Variants in NRXN3 observed in about 807,000 individuals in gnomAD.
NRXN3 encodes neurexin 3.
NRXN3 carries 32 observed loss-of-function variants against 137.6 expected under a neutral mutation model. The ratio of observed to expected loss-of-function variants is 0.23; its 90% CI spans 0.18 to 0.31. NRXN3 has a LOEUF of 0.31. NRXN3 is among the 10% of genes least tolerant of loss of function. The probability of loss-of-function intolerance (pLI) is 1.00; values close to 1 mark genes in which losing one functional copy is unlikely to be tolerated. For synonymous variants in NRXN3, 798 were observed against 784.5 expected (o/e 1.02, Z -0.29); for missense variants, 1,574 against 2,062.5 (o/e 0.76, Z 4.59).
chr14:78,596,574 C>T (rs184672043), intron 4 of NRXN3, among the ~76,000 whole-genome samples: 3,451 of 152,290 alleles, frequency 0.023, 130 homozygotes, highest in East Asian at 0.16. Flanking sequence ...ATGAAATCAT[C>T]ATTCTGCCCC....
intron 4 of NRXN3, among the ~76,000 whole-genome samples, chr14:78,520,135 T>A (rs2096266022): frequency 2.6e-5 from 4 of 152,292 alleles, no homozygotes; most frequent in South Asian, 4.1e-4. Context: ...TCATTCTGCA[T>A]GCAGTAATTA....
At chr14:78,420,476 A>G (rs564768534) in intron 4 of NRXN3, among the ~76,000 whole-genome samples, 54 of 152,324 alleles carry the variant, frequency 3.5e-4, no homozygotes, top group Middle Eastern at 3.4e-3. Flanking sequence ...CTGGGTTACC[A>G]TGAAACTAAT....
In NRXN3 at chr14:79,235,031, AT is replaced by A. The variant is rs1030304750; in HGVS notation, c.3263-232183del. 3.4e-5 allele frequency among the ~76,000 whole-genome samples: 5 copies of A among 146,484 alleles called. 1 individual carries two copies. The highest frequency in any genetic ancestry group is 4.1e-4 in the South Asian group (2 of 4,826). ...TTTAAATAATTTTTAAAACATTGATATTTTTTTGAAAATACATTAAGTATGT... is the reference window on the plus strand; with the variant it reads ...TTTAAATAATTTTTAAAACATTGATATTTTTTGAAAATACATTAAGTATGT... On this transcript the variant is annotated intron_variant, in intron 15 of 20. Transcript: ENST00000335750.
chr14:79,042,646 T>A (rs1414277541), intron 15 of NRXN3, among the ~76,000 whole-genome samples: 1 of 152,228 alleles, frequency 6.6e-6, no homozygotes, highest in African/African-American at 2.4e-5. Flanking sequence ...TTTTGAAATA[T>A]AAGATTGTTT....
At chr14:78,252,529 C>T (rs542136760) in intron 2 of NRXN3, among the ~76,000 whole-genome samples, 24 of 152,238 alleles carry the variant, frequency 1.6e-4, no homozygotes, top group East Asian at 5.8e-4. Flanking sequence ...TTAAGTTTCT[C>T]GATGAGATGC....
chr14:79,046,594 G>A (rs1303253598), intron 15 of NRXN3, among the ~76,000 whole-genome samples: 2 of 152,122 alleles, frequency 1.3e-5, no homozygotes, highest in African/African-American at 4.8e-5. Context: ...GGGGACATAG[G>A]ATCTTGTAGT....
At chr14:78,402,504 G>A (rs3759727) in intron 4 of NRXN3, among the ~76,000 whole-genome samples, 140,939 of 152,244 alleles carry the variant, frequency 0.93, 65,411 homozygotes, top group Admixed American at 0.96. Context: ...ACTTTGGAGC[G>A]TTTGGTGATG....
chr14:79,622,629 C>T (rs2098236685), intron 16 of NRXN3, among the ~76,000 whole-genome samples: 1 of 152,086 alleles, frequency 6.6e-6, no homozygotes, highest in South Asian at 2.1e-4. Flanking sequence ...CAGAGTCTCA[C>T]TCTGTCACCC....
intron 4 of NRXN3, among the ~76,000 whole-genome samples, chr14:78,470,249 G>A (rs1485062755): frequency 6.6e-6 from 1 of 152,168 alleles, no homozygotes; most frequent in Non-Finnish European, 1.5e-5. Flanking sequence ...ATCCCTTTGG[G>A]GATGGGAGAA....
chr14:79,031,815 G>A (rs1481279704), intron 15 of NRXN3, among the ~76,000 whole-genome samples: 2 of 152,088 alleles, frequency 1.3e-5, no homozygotes, highest in East Asian at 3.9e-4. Flanking sequence ...GATCTTCATT[G>A]GACCATATGT....
At chr14:78,646,271 C>T (rs188240421) in intron 5 of NRXN3, among the ~76,000 whole-genome samples, 1 of 152,152 alleles carries the variant, frequency 6.6e-6, no homozygotes, top group Admixed American at 6.5e-5. Flanking sequence ...ATAATAATAC[C>T]TCATCAGCTC....
intron 4 of NRXN3, among the ~76,000 whole-genome samples, chr14:78,519,997 A>G (rs2096264357): frequency 6.6e-6 from 1 of 152,232 alleles, no homozygotes; most frequent in African/African-American, 2.4e-5. Context: ...GTGGGATTCA[A>G]GAATAGCAAG....
intron 1 of NRXN3, among the ~76,000 whole-genome samples, chr14:78,198,971 A>T (rs189837896): frequency 2.6e-5 from 4 of 152,292 alleles, no homozygotes; most frequent in African/African-American, 7.2e-5. Context: ...AGAGAAAAAA[A>T]CCTCTGACCA....
At chr14:79,445,080 G>T (rs12587264) in intron 15 of NRXN3, among the ~76,000 whole-genome samples, 2 of 152,112 alleles carry the variant, frequency 1.3e-5, no homozygotes, top group African/African-American at 4.8e-5. Context: ...GGTGGCTCAT[G>T]CCTGTAATCC....
intron 15 of NRXN3, among the ~76,000 whole-genome samples, chr14:79,042,339 A>G (rs560138508): frequency 1.3e-4 from 20 of 152,354 alleles, no homozygotes; most frequent in African/African-American, 4.6e-4. Flanking sequence ...GGAGGAGGTC[A>G]TCTTGCAAGG....
chr14:79,715,410 G>A (rs8019692), intron 19 of NRXN3, among the ~76,000 whole-genome samples: 90,972 of 152,084 alleles, frequency 0.6, 28,001 homozygotes, highest in Middle Eastern at 0.74. Context: ...CTAAAAGACT[G>A]TGGAGATTCT....
rs148578841 is a variant in NRXN3 at position 78,974,913 on chromosome 14, G to T, written c.3142+6567G>T. 2.2e-3 allele frequency among the ~76,000 whole-genome samples: 328 copies of T among 152,256 alleles called. 1 individual carries two copies. Among genetic ancestry groups the T allele is most frequent in the African/African-American group, 7.7e-3 (319 of 41,540 alleles). On this transcript the variant is annotated intron_variant, in intron 14 of 20. Coordinates refer to ENST00000335750, the MANE Select transcript of NRXN3 (RefSeq NM_001330195.2). ...GCCTAGACAAAAATGTATTCAGAAG[G>T]AAATATAACAATGAGGTGTAAGAAG...
At chr14:79,293,101 TTA>T (rs983973150) in intron 15 of NRXN3, among the ~76,000 whole-genome samples, 13 of 152,186 alleles carry the variant, frequency 8.5e-5, no homozygotes, top group Non-Finnish European at 1.6e-4. Context: ...GGGAGCCATT[TTA>T]TGTGTGTGTA....
intron 4 of NRXN3, among the ~76,000 whole-genome samples, chr14:78,573,901 G>A (rs1274429720): frequency 6.6e-6 from 1 of 152,188 alleles, no homozygotes; most frequent in Non-Finnish European, 1.5e-5. Context: ...GATCTTCATG[G>A]CAGTCCCTCC....
Sources: allele counts gnomAD v4.1 joint callset (sites outside exome capture counted in the v4.1 genomes callset), GRCh38; gene constraint gnomAD v4.1.1; transcripts MANE v1.5; gene names NCBI Gene and HGNC (gene_info 2026-07-23, HGNC 2026-07-21).